DMD: variants seen among roughly 807,000 people sequenced by gnomAD.
DMD encodes the protein mutant dystrophin.
A neutral mutation model predicts 330.1 loss-of-function variants in DMD; 63 were observed. The ratio of observed to expected loss-of-function variants is 0.19; its 90% CI spans 0.16 to 0.24. The LOEUF is 0.24. Among genes scored for constraint, DMD ranks in the 10% least tolerant of loss-of-function variants. The pLI is 1.00. For synonymous variants in DMD, 1,223 were observed against 959.8 expected, an observed-to-expected ratio of 1.27 and a Z score of -5.07; for missense variants, 3,344 against 2,684.1, an observed-to-expected ratio of 1.25 and a Z score of -5.43.
intron 41 of DMD, among the ~76,000 whole-genome samples, chrX:32,339,498 A>G (rs776680938): frequency 6.5e-4 from 72 of 111,523 alleles, no homozygotes; most frequent in Non-Finnish European, 1.1e-3. Context: ...CCTGAGGACC[A>G]CAATTTGCAG....
At chrX:32,876,364 G>T (rs2083377422) in intron 2 of DMD, among the ~76,000 whole-genome samples, 1 of 111,905 alleles carries the variant, frequency 8.9e-6, no homozygotes, top group African/African-American at 3.3e-5. Flanking sequence ...TTTAGTCTAT[G>T]TAGTACAACT....
intron 41 of DMD, among the ~76,000 whole-genome samples, chrX:32,320,128 T>G (rs750995016): frequency 3.1e-4 from 35 of 111,309 alleles, no homozygotes; most frequent in African/African-American, 1.0e-3. Flanking sequence ...GCTTTTAACT[T>G]CTGTTGCCTT....
chrX:32,173,066 G>GGGGTGTGTGTGT (rs1246394111), intron 44 of DMD, among the ~76,000 whole-genome samples: 40 of 89,623 alleles, frequency 4.5e-4, no homozygotes, highest in African/African-American at 1.7e-3. Flanking sequence ...ACCTGATTTT[G>GGGGTGTGTGTGT]GTGTGTGTGT....
chrX:32,418,303 C>A (rs993783887), intron 29 of DMD, among the ~76,000 whole-genome samples: 6 of 111,233 alleles, frequency 5.4e-5, no homozygotes, highest in Non-Finnish European at 1.1e-4. Context: ...GAATGATAGA[C>A]ATCCAGATCA....
intron 7 of DMD, among the ~76,000 whole-genome samples, chrX:32,808,711 T>A (rs1451413550): frequency 1.8e-5 from 2 of 112,098 alleles, no homozygotes; most frequent in Non-Finnish European, 3.8e-5. Context: ...TCTACCCAAA[T>A]ATCATCTTCA....
chrX:32,174,672 T>C (rs936712328), intron 44 of DMD, among the ~76,000 whole-genome samples: 3 of 112,379 alleles, frequency 2.7e-5, no homozygotes, highest in African/African-American at 9.7e-5. Context: ...TTGGAAGCTA[T>C]GGTAAATTAA....
chrX:32,920,740 A>G (rs1251376128), intron 2 of DMD, among the ~76,000 whole-genome samples: 1 of 112,495 alleles, frequency 8.9e-6, no homozygotes, highest in Non-Finnish European at 1.9e-5. Context: ...ACATGCAAGG[A>G]AACTACTCTC....
At chrX:33,329,634 T>C (rs2054140772) in intron 1 of DMD, among the ~76,000 whole-genome samples, 1 of 111,390 alleles carries the variant, frequency 9.0e-6, no homozygotes, top group Non-Finnish European at 1.9e-5. Context: ...AAACAGAATG[T>C]TGAGATTTAG....
chrX:31,323,089 G>A (rs1407372677), intron 62 of DMD, among the ~76,000 whole-genome samples: 1 of 111,921 alleles, frequency 8.9e-6, no homozygotes, highest in Non-Finnish European at 1.9e-5. Context: ...TCTGTTGTTA[G>A]GTGACAAATA....
intron 60 of DMD, among the ~76,000 whole-genome samples, chrX:31,350,632 T>TGTGAGA (rs1156358927): frequency 6.0e-5 from 4 of 66,697 alleles, no homozygotes; most frequent in African/African-American, 2.4e-4. Context: ...TGTGTGTGTG[T>TGTGAGA]GAGAGAGAGA....
Position 31,428,313 on chromosome X carries a change from C to A in DMD, c.9084+16168G>T, listed in dbSNP as rs182712782. On this transcript the variant is annotated intron_variant, in intron 60 of 78. Transcript: ENST00000357033. ...TTTAAAAGAGTGTGGCACCTCCCACCCCCTCACTCCATCTCTCACCATGTG... is the reference window on the plus strand; with the variant it reads ...TTTAAAAGAGTGTGGCACCTCCCACACCCTCACTCCATCTCTCACCATGTG... 7.2e-5 allele frequency among the ~76,000 whole-genome samples: 8 copies of A among 110,463 alleles called. No individual in the cohort carries two copies. The East Asian group carries it at 2.3e-3, about 32-fold the overall frequency.
chrX:32,464,504 AC>A, intron 24 of DMD, 81 bp downstream of exon 24: 1 of 763,570 alleles, frequency 1.3e-6, no homozygotes, highest in Non-Finnish European at 2.0e-6. Context: ...AGCAAAATCC[AC>A]CCCAGCTGTA....
At chrX:32,114,635 G>A (rs937473103) in intron 44 of DMD, among the ~76,000 whole-genome samples, 2 of 111,760 alleles carry the variant, frequency 1.8e-5, no homozygotes, top group African/African-American at 6.5e-5. Context: ...CCTTCTCCGT[G>A]AAGCTGGGTC....
At chrX:32,472,099 G>C (rs1225728196) in intron 22 of DMD, 65 bp downstream of exon 22, 2 of 1,137,310 alleles carry the variant, frequency 1.8e-6, no homozygotes, top group African/African-American at 1.8e-5. Context: ...ATTATTTAAA[G>C]GTTATATCAA....
At chrX:32,255,956 C>T (rs2097296814) in intron 43 of DMD, among the ~76,000 whole-genome samples, 1 of 111,654 alleles carries the variant, frequency 9.0e-6, no homozygotes, top group Non-Finnish European at 1.9e-5. Flanking sequence ...ATCATTTGTC[C>T]TCCAAAAGCT....
At chrX:33,283,809 G>A (rs1199354944) in intron 1 of DMD, among the ~76,000 whole-genome samples, 2 of 110,337 alleles carry the variant, frequency 1.8e-5, no homozygotes, top group Non-Finnish European at 3.8e-5. Context: ...ACAAGGTCAG[G>A]AGATTGAGAC....
chrX:31,252,070 T>C (rs2049422706), intron 63 of DMD, among the ~76,000 whole-genome samples: 1 of 112,530 alleles, frequency 8.9e-6, no homozygotes, highest in Non-Finnish European at 1.9e-5. Flanking sequence ...GAAAAAATAT[T>C]ATAATATTTA....
intron 2 of DMD, among the ~76,000 whole-genome samples, chrX:32,912,479 A>G (rs1036859490): frequency 9.0e-6 from 1 of 111,290 alleles, no homozygotes; most frequent in Non-Finnish European, 1.9e-5. Context: ...GTATACAAGG[A>G]ACCTTGTTTG....
chrX:31,435,403 C>T (rs924795144), intron 60 of DMD: 2 of 111,475 alleles, frequency 1.8e-5, no homozygotes, highest in African/African-American at 3.3e-5. Context: ...TCCACCCTCC[C>T]GTCTCCTTTA....
Sources: allele counts gnomAD v4.1 joint callset (sites outside exome capture counted in the v4.1 genomes callset), GRCh38; gene constraint gnomAD v4.1.1; transcripts MANE v1.5; gene names NCBI Gene and HGNC (gene_info 2026-07-23, HGNC 2026-07-21).